Variants in KCNQ1OT1 observed in about 807,000 individuals in gnomAD.
The protein encoded by KCNQ1OT1 is KCNQ1 antisense RNA 2 (non-protein coding).
At chr11:2,689,057 T>A in exon 1 of KCNQ1OT1, 2 of 398,786 alleles carry the variant, frequency 5.0e-6, no homozygotes, top group Non-Finnish European at 8.8e-6. Context: ...GGCAGTTACC[T>A]CCTCCTCCCC....
At position 2,612,348 on chromosome 11, in the gene KCNQ1OT1, G is replaced by A; in HGVS notation, n.87647C>T. On this transcript the variant is annotated non_coding_transcript_exon_variant, in exon 1 of 1. Transcript: ENST00000597346. The surrounding 1 kb of genome is among the most constrained non-coding windows in gnomAD (Gnocchi z 5.5). Reference sequence around the variant, plus strand: ...TCCCCCAACTGGCTGTGGAAAAATTGTCTTCCACAAAACTGGTCCCTCATG... The same window carrying A: ...TCCCCCAACTGGCTGTGGAAAAATTATCTTCCACAAAACTGGTCCCTCATG... The A allele has an allele frequency of 2.5e-6, 1 of 398,664 alleles. No homozygotes were observed. The highest frequency in any genetic ancestry group is 4.4e-6 in the Non-Finnish European group (1 of 226,080). The allele number at this position is 398,664 out of a possible 1,614,324, so 24.7% of individuals were successfully genotyped here.
rs1311450934 is a variant in KCNQ1OT1, at chr11:2,613,580, A to G, written n.86415T>C. On this transcript the variant is annotated non_coding_transcript_exon_variant, in exon 1 of 1. Transcript: ENST00000597346. The surrounding 1 kb of genome is among the most constrained non-coding windows in gnomAD (Gnocchi z 4.8). ...AGGAAGGCTTAATATTTTTTCTTTA[A>G]TTAGCACTTTTCAATTTTATATTTC... The G allele has an allele frequency of 3.0e-5, 12 of 398,396 alleles. No individual in the cohort carries two copies. The Admixed American group carries it at 4.8e-4, about 16-fold the overall frequency. 24.7% of individuals were successfully genotyped at this position (398,396 alleles called of 1,614,324 possible).
At chr11:2,644,605 C>T (rs1385203675) in exon 1 of KCNQ1OT1, 1 of 398,326 alleles carries the variant, frequency 2.5e-6, no homozygotes, top group African/African-American at 2.1e-5. Context: ...TAGGAGTTGT[C>T]ATGTTTTGCC....
chr11:2,674,456 A>G lies in KCNQ1OT1; in HGVS notation n.25539T>C, dbSNP rs1590023662. 1 of 398,476 alleles carries G rather than the reference A, an allele frequency of 2.5e-6. No homozygotes were observed. Among genetic ancestry groups the G allele is most frequent in the Non-Finnish European group, 4.4e-6 (1 of 226,076 alleles). 24.7% of individuals were successfully genotyped at this position (398,476 alleles called of 1,614,324 possible). ...AGAGGCTGGGGGGAGGCACGTGGGG[A>G]GGAGGGCTGCCTGTCGAGATGTGTA... On this transcript the variant is annotated non_coding_transcript_exon_variant, in exon 1 of 1. Coordinates refer to ENST00000597346, the Ensembl canonical transcript of KCNQ1OT1. The surrounding 1 kb of genome is among the most constrained non-coding windows in gnomAD (Gnocchi z 5.9).
At chr11:2,699,825 G>C (rs1412517059) in exon 1 of KCNQ1OT1, 2 of 396,028 alleles carry the variant, frequency 5.1e-6, no homozygotes, top group African/African-American at 4.2e-5. Flanking sequence ...GATGACTGAC[G>C]CACCGAGGAG....
chr11:2,664,790 C>T lies in KCNQ1OT1; in HGVS notation n.35205G>A. 2.5e-6 allele frequency: 1 copy of T among 398,628 alleles called. No individual in the cohort carries two copies. The allele number at this position is 398,628 out of a possible 1,614,324, so 24.7% of individuals were successfully genotyped here. A position where few individuals can be genotyped will look rare whatever the true frequency, so the allele number is the denominator to read the frequency against. On this transcript the variant is annotated non_coding_transcript_exon_variant, in exon 1 of 1. Coordinates refer to ENST00000597346, the Ensembl canonical transcript of KCNQ1OT1. The surrounding 1 kb of genome is among the most constrained non-coding windows in gnomAD (Gnocchi z 5.1). ...GGGCAGAGTGGGTGGGAGGCAGTTA[C>T]CAAAAAACATTTCCATTTTTCTTCA...
At chr11:2,680,471 ATTTT>A in exon 1 of KCNQ1OT1, 1 of 397,664 alleles carries the variant, frequency 2.5e-6, no homozygotes, top group East Asian at 3.6e-5. Context: ...AGGACTACTG[ATTTT>A]TTTTTAATTT....
At chr11:2,672,199 T>A (rs747709345) in exon 1 of KCNQ1OT1, 41 of 398,566 alleles carry the variant, frequency 1.0e-4, no homozygotes, top group Non-Finnish European at 1.7e-4. Flanking sequence ...TCCTGATTTG[T>A]TAAGTTAAAT....
Position 2,683,679 on chromosome 11 carries a change from T to G in KCNQ1OT1, n.16316A>C. 2.5e-6 allele frequency: 1 copy of G among 398,660 alleles called. No homozygotes were observed. The allele number at this position is 398,660 out of a possible 1,614,324, so 24.7% of individuals were successfully genotyped here. The stretch of plus-strand genomic sequence containing the variant: ...TTACTTTCCCATCTCAATACAACTG[T>G]GAAAAGCCTAGCCTGGGACTCAGGC... On this transcript the variant is annotated non_coding_transcript_exon_variant, in exon 1 of 1. Coordinates refer to ENST00000597346, the Ensembl canonical transcript of KCNQ1OT1. The surrounding 1 kb of genome is among the most constrained non-coding windows in gnomAD (Gnocchi z 4.7).
Position 2,647,885 on chromosome 11 carries a change from C to G in KCNQ1OT1, n.52110G>C, listed in dbSNP as rs1849690662. On this transcript the variant is annotated non_coding_transcript_exon_variant, in exon 1 of 1. Coordinates refer to ENST00000597346, the Ensembl canonical transcript of KCNQ1OT1. This position sits in a 1 kb window ranked among gnomAD's most constrained non-coding sequence, Gnocchi z 4.0. ...TATTTATTGGGTCTTCTTGGTTAGT[C>G]TAGCTAATGGTTTATTGATTTTCTC... The G allele has an allele frequency of 7.5e-6, 3 of 398,340 alleles. No homozygotes were observed. The highest frequency in any genetic ancestry group is 4.4e-5 in the Admixed American group (1 of 22,718). The allele number at this position is 398,340 out of a possible 1,614,324, so 24.7% of individuals were successfully genotyped here.
exon 1 of KCNQ1OT1, chr11:2,646,746 G>A (rs970064622): frequency 2.0e-5 from 8 of 398,384 alleles, no homozygotes; most frequent in Non-Finnish European, 3.5e-5. Flanking sequence ...AAACTCCTGG[G>A]CTCAAGCAAT....
At position 2,661,696 on chromosome 11, in the gene KCNQ1OT1, C is replaced by T. The variant is rs1849958984; in HGVS notation, n.38299G>A. The T allele has an allele frequency of 1.7e-6, 1 of 604,748 alleles. No individual in the cohort carries two copies. The highest frequency in any genetic ancestry group is 3.0e-6 in the Non-Finnish European group (1 of 338,948). 37.5% of individuals were successfully genotyped at this position (604,748 alleles called of 1,614,324 possible). On this transcript the variant is annotated non_coding_transcript_exon_variant, in exon 1 of 1. Coordinates refer to ENST00000597346, the Ensembl canonical transcript of KCNQ1OT1. The surrounding 1 kb of genome is among the most constrained non-coding windows in gnomAD (Gnocchi z 5.9). ...CTGAGGTGGGGAGAGTCTTGGACACCTGAGCACAGCCCCAGGCACAGTTAC... is the reference window on the plus strand; with the variant it reads ...CTGAGGTGGGGAGAGTCTTGGACACTTGAGCACAGCCCCAGGCACAGTTAC...
exon 1 of KCNQ1OT1, chr11:2,638,088 G>C (rs1849507187): frequency 6.6e-6 from 1 of 152,030 alleles, no homozygotes. Context: ...ACGTGAGATG[G>C]GTCTCCTGAA....
At chr11:2,635,569 G>A (rs1849450527) in exon 1 of KCNQ1OT1, 2 of 152,182 alleles carry the variant, frequency 1.3e-5, no homozygotes, top group African/African-American at 4.8e-5. Flanking sequence ...GTACCATGCT[G>A]TTTTGGTGAC....
chr11:2,632,878 A>G (rs1177263615), exon 1 of KCNQ1OT1: 1 of 398,390 alleles, frequency 2.5e-6, no homozygotes, highest in Admixed American at 4.4e-5. Context: ...TGCAATAAAC[A>G]TGAGAATGCA....
Position 2,626,646 on chromosome 11 carries a change from G to A in KCNQ1OT1, n.73349C>T, listed in dbSNP as rs76431312. 2.6e-3 allele frequency: 1,055 copies of A among 398,412 alleles called. 40 individuals carry two copies. The East Asian group carries it at 0.029, about 11-fold the overall frequency. 24.7% of individuals were successfully genotyped at this position (398,412 alleles called of 1,614,324 possible). On this transcript the variant is annotated non_coding_transcript_exon_variant, in exon 1 of 1. Coordinates refer to ENST00000597346, the Ensembl canonical transcript of KCNQ1OT1. This position sits in a 1 kb window ranked among gnomAD's most constrained non-coding sequence, Gnocchi z 4.0. Reference sequence around the variant, plus strand: ...CAGGCTCAAGCAATCCTCCCACCTCGGCTTCTTGAGTAGCTGGGAATAGAA... The same window carrying A: ...CAGGCTCAAGCAATCCTCCCACCTCAGCTTCTTGAGTAGCTGGGAATAGAA...
At position 2,668,015 on chromosome 11, in the gene KCNQ1OT1, C is replaced by T. The variant is rs111838673; in HGVS notation, n.31980G>A. On this transcript the variant is annotated non_coding_transcript_exon_variant, in exon 1 of 1. Transcript: ENST00000597346. This position sits in a 1 kb window ranked among gnomAD's most constrained non-coding sequence, Gnocchi z 4.3. ...ACCTTGAGATTAACCACAGGCCTAACTGCTAGCAGCAAGGACCAGCTTTGC... is the reference window on the plus strand; with the variant it reads ...ACCTTGAGATTAACCACAGGCCTAATTGCTAGCAGCAAGGACCAGCTTTGC... The T allele has an allele frequency of 6.4e-4, 255 of 398,676 alleles. No individual in the cohort carries two copies. The highest frequency in any genetic ancestry group is 4.9e-3 in the African/African-American group (241 of 48,752). 24.7% of individuals were successfully genotyped at this position (398,676 alleles called of 1,614,324 possible). A position where few individuals can be genotyped will look rare whatever the true frequency, so the allele number is the denominator to read the frequency against.
Position 2,670,553 on chromosome 11 carries a change from C to T in KCNQ1OT1, n.29442G>A, listed in dbSNP as rs564484977. The stretch of plus-strand genomic sequence containing the variant: ...AAGCCTCAAGAAGGATAGGGACTTG[C>T]CAGTATCACTGGGAGATAGGAGCAG... On this transcript the variant is annotated non_coding_transcript_exon_variant, in exon 1 of 1. Transcript: ENST00000597346. This position sits in a 1 kb window ranked among gnomAD's most constrained non-coding sequence, Gnocchi z 4.9. 4 of 397,834 alleles carry T rather than the reference C, an allele frequency of 1.0e-5. No homozygotes were observed. The highest frequency in any genetic ancestry group is 1.3e-4 in the South Asian group (1 of 7,810). The allele number at this position is 397,834 out of a possible 1,614,324, so 24.6% of individuals were successfully genotyped here.
At chr11:2,675,640 T>C (rs542200399) in exon 1 of KCNQ1OT1, 59 of 398,650 alleles carry the variant, frequency 1.5e-4, no homozygotes, top group African/African-American at 3.7e-4. Context: ...TAGAGGGTGG[T>C]TGGGCTCTCT....
Sources: gnomAD v4.1 joint callset for allele counts on GRCh38, gnomAD v4.1.1 for gene constraint, Gnocchi (gnomAD v3.1) non-coding constraint, MANE v1.5 for transcripts, NCBI Gene and HGNC (gene_info 2026-07-23, HGNC 2026-07-21) for gene names.